C3orf70: variants seen among roughly 807,000 people sequenced by gnomAD.
C3orf70 encodes UPF0524 protein C3orf70.
C3orf70 carries 15 observed loss-of-function variants against 20.7 expected under a neutral mutation model. The ratio of observed to expected loss-of-function variants is 0.72; its 90% CI spans 0.48 to 1.11. The LOEUF (loss-of-function observed/expected upper bound fraction) is 1.11, where lower values mean the gene tolerates loss of function less well. Ranked by LOEUF, C3orf70 falls within the 50% of genes most tolerant of loss-of-function variation. The pLI, the probability that C3orf70 is intolerant of heterozygous loss-of-function variation, is 0.00. For synonymous variants in C3orf70, 161 were observed against 125.7 expected, an observed-to-expected ratio of 1.28 and a Z score of -1.88; for missense variants, 332 against 317.6, an observed-to-expected ratio of 1.05 and a Z score of -0.34.
At chr3:185,141,375 A>C (rs1311188518) in intron 1 of C3orf70, among the ~76,000 whole-genome samples, 9 of 152,100 alleles carry the variant, frequency 5.9e-5, no homozygotes, top group Non-Finnish European at 1.2e-4. Context: ...AAAACGAAAC[A>C]TGTAACTACC....
At chr3:185,132,424 CA>C (rs68193448) in intron 1 of C3orf70, among the ~76,000 whole-genome samples, 120,366 of 147,016 alleles carry the variant, frequency 0.82, 48,978 homozygotes, top group Non-Finnish European at 0.83. Flanking sequence ...TGTAAAATAC[CA>C]AAAAAAAAAA....
chr3:185,125,331 C>T (rs1716384258), intron 1 of C3orf70, among the ~76,000 whole-genome samples: 1 of 151,932 alleles, frequency 6.6e-6, no homozygotes, highest in African/African-American at 2.4e-5. Flanking sequence ...GGTGAGCTGA[C>T]ACCATGCCAT....
Position 185,082,892 on chromosome 3 carries a change from G to T in C3orf70, c.*115C>A. ...TACCACTGAACTGCTACGGTTGTTG[G>T]TTGGAGCGGGGCGGGGTGGGTAGAA... is the stretch of plus-strand genomic sequence containing the variant. On this transcript the variant is annotated 3_prime_UTR_variant, in exon 2 of 2. Transcript: ENST00000335012. The T allele has an allele frequency of 3.0e-6, 3 of 1,001,576 alleles. No individual in the cohort carries two copies. Among genetic ancestry groups the T allele is most frequent in the South Asian group, 3.1e-5 (2 of 64,066 alleles). The allele number at this position is 1,001,576 out of a possible 1,614,324, so 62.0% of individuals were successfully genotyped here. A position where few individuals can be genotyped will look rare whatever the true frequency, so the allele number is the denominator to read the frequency against.
chr3:185,104,196 G>A (rs1305278562), intron 1 of C3orf70, among the ~76,000 whole-genome samples: 1 of 152,158 alleles, frequency 6.6e-6, no homozygotes, highest in Non-Finnish European at 1.5e-5. Flanking sequence ...CATCCTTTGT[G>A]TCCATGCTCC....
At chr3:185,132,796 A>G (rs1716547724) in intron 1 of C3orf70, among the ~76,000 whole-genome samples, 3 of 152,232 alleles carry the variant, frequency 2.0e-5, no homozygotes, top group African/African-American at 2.4e-5. Context: ...AACAGGATAC[A>G]TCAAAAGAAT....
intron 1 of C3orf70, among the ~76,000 whole-genome samples, chr3:185,146,823 T>C (rs959447796): frequency 6.6e-6 from 1 of 152,184 alleles, no homozygotes; most frequent in Non-Finnish European, 1.5e-5. Flanking sequence ...AAAAACAGAA[T>C]AGAACAACAC....
intron 1 of C3orf70, among the ~76,000 whole-genome samples, chr3:185,112,181 T>G (rs1716087617): frequency 6.6e-6 from 1 of 152,048 alleles, no homozygotes; most frequent in African/African-American, 2.4e-5. Flanking sequence ...TCCCAGCTAC[T>G]TGGGAAGCTG....
intron 1 of C3orf70, among the ~76,000 whole-genome samples, chr3:185,113,017 A>G (rs1388310158): frequency 6.6e-6 from 1 of 152,238 alleles, no homozygotes; most frequent in Non-Finnish European, 1.5e-5. Flanking sequence ...TTCCAAAATA[A>G]TAATTGCCAT....
chr3:185,146,276 A>ATTTTTT (rs10576073), intron 1 of C3orf70, among the ~76,000 whole-genome samples: 4 of 67,022 alleles, frequency 6.0e-5, no homozygotes, highest in African/African-American at 2.1e-4. Context: ...TACAACTCTC[A>ATTTTTT]TTTTTTTTTT....
rs1230201189 is a variant in C3orf70 at position 185,077,785 on chromosome 3, GTGGT to G, written c.*5218_*5221del. On this transcript the variant is annotated 3_prime_UTR_variant, in exon 2 of 2. Transcript: ENST00000335012. The stretch of plus-strand genomic sequence containing the variant: ...CGTGTGAAATAAATGCTATTTGGTG[GTGGT>G]GGGGGGGGGGTATCAAGTTTTATTT... Among the ~76,000 whole-genome samples, 3 of 125,414 alleles carry G rather than the reference GTGGT, an allele frequency of 2.4e-5. No individual in the cohort carries two copies. Among genetic ancestry groups the G allele is most frequent in the African/African-American group, 7.3e-5 (2 of 27,274 alleles). The allele number at this position is 125,414 out of a possible 152,430, so 82.3% of individuals were successfully genotyped here.
chr3:185,094,628 C>T (rs13321350), intron 1 of C3orf70, among the ~76,000 whole-genome samples: 59,696 of 151,104 alleles, frequency 0.4, 12,610 homozygotes, highest in Non-Finnish European at 0.49. Flanking sequence ...GCTCCTTTTA[C>T]GGCCAGAGTT....
chr3:185,097,799 G>C (rs1319083423), intron 1 of C3orf70, among the ~76,000 whole-genome samples: 2 of 152,230 alleles, frequency 1.3e-5, no homozygotes, highest in African/African-American at 4.8e-5. Context: ...ATTCACATGT[G>C]ACGTTCTAGA....
At chr3:185,131,328 T>C (rs1478981572) in intron 1 of C3orf70, among the ~76,000 whole-genome samples, 2 of 152,248 alleles carry the variant, frequency 1.3e-5, no homozygotes, top group East Asian at 3.8e-4. Flanking sequence ...TGATCATTTC[T>C]GCAGTGTTTT....
intron 1 of C3orf70, among the ~76,000 whole-genome samples, chr3:185,088,085 A>AT (rs1008588446): frequency 3.3e-5 from 5 of 151,902 alleles, no homozygotes; most frequent in African/African-American, 9.7e-5. Flanking sequence ...CTAATTTTGT[A>AT]TTTTTGTTAG....
chr3:185,099,662 CTAAAA>C (rs1190801363), intron 1 of C3orf70, among the ~76,000 whole-genome samples: 2 of 152,054 alleles, frequency 1.3e-5, no homozygotes, highest in Admixed American at 6.5e-5. Context: ...ATAAACAAGT[CTAAAA>C]TAACCAGCTA....
At chr3:185,106,696 C>T (rs994789474) in intron 1 of C3orf70, among the ~76,000 whole-genome samples, 1 of 152,242 alleles carries the variant, frequency 6.6e-6, no homozygotes, top group Non-Finnish European at 1.5e-5. Flanking sequence ...CCGCCACAGC[C>T]GGTAGTGCCG....
At chr3:185,090,570 T>C (rs949115220) in intron 1 of C3orf70, among the ~76,000 whole-genome samples, 2 of 152,188 alleles carry the variant, frequency 1.3e-5, no homozygotes, top group Non-Finnish European at 2.9e-5. Flanking sequence ...TGGCCTGAGG[T>C]AAATTGCATG....
At chr3:185,135,639 G>A (rs990810638) in intron 1 of C3orf70, among the ~76,000 whole-genome samples, 5 of 152,098 alleles carry the variant, frequency 3.3e-5, no homozygotes, top group Admixed American at 6.5e-5. Flanking sequence ...TAATTAAAAC[G>A]GAGAACTTGA....
intron 1 of C3orf70, among the ~76,000 whole-genome samples, chr3:185,125,934 C>A (rs962392533): frequency 3.9e-5 from 6 of 152,042 alleles, no homozygotes; most frequent in African/African-American, 1.4e-4. Context: ...AAAGAAATTT[C>A]TTGGATGATA....
Sources: gnomAD v4.1 joint callset for allele counts (sites outside exome capture counted in the v4.1 genomes callset) on GRCh38, gnomAD v4.1.1 for gene constraint, MANE v1.5 for transcripts, NCBI Gene and HGNC (gene_info 2026-07-23, HGNC 2026-07-21) for gene names.